MX2: variants seen among roughly 807,000 people sequenced by gnomAD.
MX2 encodes MX dynamin like GTPase 2, also known as interferon-induced GTP-binding protein Mx2.
MX2 carries 51 observed loss-of-function variants against 74.0 expected under a neutral mutation model. That is an observed-to-expected ratio of 0.69 (90% CI 0.55 to 0.87). The LOEUF is 0.87. Among genes scored for constraint, MX2 ranks in the 40% least tolerant of loss-of-function variants. The pLI is 0.00. For missense variants in MX2, 832 were observed against 908.7 expected, an observed-to-expected ratio of 0.92 and a Z score of 1.09; for synonymous variants, 369 against 339.3, an observed-to-expected ratio of 1.09 and a Z score of -0.96.
In MX2 at chr21:41,408,439, C is replaced by T. The variant is rs1348951173; in HGVS notation, c.*206C>T. On this transcript the variant is annotated 3_prime_UTR_variant, in exon 14 of 14. Coordinates refer to ENST00000330714, the MANE Select transcript of MX2 (RefSeq NM_002463.2). ...CCACCCAGCTCTTCCCTGACCTTCA[C>T]GAAGGGATGGCTCTCCAGTCCTTGG... 4.7e-6 allele frequency: 3 copies of T among 644,354 alleles called. No individual in the cohort carries two copies. The highest frequency in any genetic ancestry group is 1.8e-5 in the African/African-American group (1 of 54,776). 39.9% of individuals were successfully genotyped at this position (644,354 alleles called of 1,614,324 possible).
chr21:41,372,989 A>G (rs998073809), intron 1 of MX2: 9 of 151,856 alleles, frequency 5.9e-5, no homozygotes, highest in Admixed American at 4.6e-4. Context: ...TACAGCTGTG[A>G]AAAAAAACAG....
In MX2 at chr21:41,399,034, AG is replaced by A. The variant is rs2089774460; in HGVS notation, c.1272+17del. Reference sequence around the variant, plus strand: ...TTCTAATTGAGGTGAGGATTTCCGCAGGACTCCACGTGACACTGCATCCTTC... The same window carrying A: ...TTCTAATTGAGGTGAGGATTTCCGCAGACTCCACGTGACACTGCATCCTTC... On this transcript the variant is annotated intron_variant, in intron 9 of 13. Transcript: ENST00000330714. 5 of 1,610,792 alleles carry A rather than the reference AG, an allele frequency of 3.1e-6. No homozygotes were observed. In the Admixed American group the frequency reaches 5.0e-5, roughly 16 times the overall value.
rs756583997 is a variant in MX2, at chr21:41,380,176, C to T, written c.577+25C>T. ...GGTGGGCCCACGTCATTCTGAGGTT[C>T]GGATCTGGCAGCCGCTCCTCTCACT... On this transcript the variant is annotated intron_variant, in intron 4 of 13. Transcript: ENST00000330714. The surrounding 1 kb of genome is among the most constrained non-coding windows in gnomAD (Gnocchi z 4.3). 1.4e-5 allele frequency: 23 copies of T among 1,612,906 alleles called. No individual in the cohort carries two copies. The highest frequency in any genetic ancestry group is 2.7e-5 in the African/African-American group (2 of 74,862).
rs1205252356 is a variant in MX2, at chr21:41,393,589, C to A, written c.872-1998C>A. Among the ~76,000 whole-genome samples the A allele has an allele frequency of 4.6e-5, 7 of 152,232 alleles. No individual in the cohort carries two copies. In the East Asian group the frequency reaches 1.4e-3, roughly 29 times the overall value. On this transcript the variant is annotated intron_variant, in intron 6 of 13. Transcript: ENST00000330714. ...GAAGTCACATTCTTAGACTCCTTGT[C>A]TCCATGCCTCTTCAATTCTCAGGCC...
chr21:41,387,392 G>C (rs1374980439), intron 5 of MX2, among the ~76,000 whole-genome samples: 2 of 152,190 alleles, frequency 1.3e-5, no homozygotes, highest in Admixed American at 1.3e-4. Flanking sequence ...TGTATTCACG[G>C]CCTCATTGTA....
Position 41,388,075 on chromosome 21 carries a change from C to T in MX2, c.733-2490C>T, listed in dbSNP as rs184044762. Among the ~76,000 whole-genome samples the T allele has an allele frequency of 7.2e-5, 11 of 152,162 alleles. No homozygotes were observed. The highest frequency in any genetic ancestry group is 1.9e-4 in the East Asian group (1 of 5,186). ...TGCTGCTATCCTGAACCTGGGTTAC[C>T]GCCTCTGCTGGCCTCCTGCTGGGTT... is the stretch of plus-strand genomic sequence containing the variant. On this transcript the variant is annotated intron_variant, in intron 5 of 13. Transcript: ENST00000330714. The surrounding 1 kb of genome is among the most constrained non-coding windows in gnomAD (Gnocchi z 4.0).
At chr21:41,392,537 T>C (rs1280921697) in intron 6 of MX2, among the ~76,000 whole-genome samples, 1 of 152,160 alleles carries the variant, frequency 6.6e-6, no homozygotes, top group African/African-American at 2.4e-5. Context: ...TGTTGTTCAA[T>C]GGGTGAAGAG....
Position 41,380,218 on chromosome 21 carries a change from C to T in MX2, c.577+67C>T, listed in dbSNP as rs760668066. 11 of 1,600,504 alleles carry T rather than the reference C, an allele frequency of 6.9e-6. No individual in the cohort carries two copies. The highest frequency in any genetic ancestry group is 1.1e-5 in the South Asian group (1 of 89,040). On this transcript the variant is annotated intron_variant, in intron 4 of 13. Transcript: ENST00000330714. The surrounding 1 kb of genome is among the most constrained non-coding windows in gnomAD (Gnocchi z 4.3). Reference sequence around the variant, plus strand: ...CCTCTCACTTCCTCGGTTCCTTCTCCTCTTCCTCAAGTCACCCCCACAGTG... The same window carrying T: ...CCTCTCACTTCCTCGGTTCCTTCTCTTCTTCCTCAAGTCACCCCCACAGTG...
rs1005339775 is a variant in MX2 at position 41,388,584 on chromosome 21, G to A, written c.733-1981G>A. On this transcript the variant is annotated intron_variant, in intron 5 of 13. Transcript: ENST00000330714. This position sits in a 1 kb window ranked among gnomAD's most constrained non-coding sequence, Gnocchi z 4.0. ...TATTGCCTGTCTCCCCTCCTGGGCT[G>A]TAAGGCTCTGGGGGCGTATGCTCAA... is the stretch of plus-strand genomic sequence containing the variant. Among the ~76,000 whole-genome samples, 1 of 152,184 alleles carries A rather than the reference G, an allele frequency of 6.6e-6. No homozygotes were observed. Among genetic ancestry groups the A allele is most frequent in the Non-Finnish European group, 1.5e-5 (1 of 68,022 alleles).
At chr21:41,373,504 C>G (rs1387053810) in intron 1 of MX2, among the ~76,000 whole-genome samples, 1 of 152,112 alleles carries the variant, frequency 6.6e-6, no homozygotes, top group Non-Finnish European at 1.5e-5. Flanking sequence ...GTCTCCAGCC[C>G]GAGGCCCTTT....
intron 7 of MX2, 97 bp from the exon 8 acceptor site, chr21:41,397,516 C>A: frequency 9.4e-7 from 1 of 1,066,160 alleles, no homozygotes; most frequent in Non-Finnish European, 1.4e-6. Context: ...CACGTGTTGC[C>A]CCGGGGAGCT....
intron 1 of MX2, chr21:41,364,822 T>G (rs1056674461): frequency 6.6e-6 from 1 of 152,178 alleles, no homozygotes; most frequent in Non-Finnish European, 1.5e-5. Flanking sequence ...AGCTGTAGGC[T>G]GGGAGGCTAA....
intron 5 of MX2, among the ~76,000 whole-genome samples, chr21:41,386,152 G>A (rs543661983): frequency 1.5e-4 from 22 of 147,696 alleles, no homozygotes; most frequent in South Asian, 4.3e-4. Flanking sequence ...CCCGGGAGGC[G>A]GAGCTTGCAG....
chr21:41,382,377 G>T, intron 4 of MX2, 33 bp from the exon 5 acceptor site: 1 of 1,604,902 alleles, frequency 6.2e-7, no homozygotes, highest in Non-Finnish European at 8.5e-7. Flanking sequence ...CATTAATGAG[G>T]GCTCTGGGTT....
At chr21:41,379,692 C>G (rs1242323568) in intron 3 of MX2, among the ~76,000 whole-genome samples, 1 of 152,210 alleles carries the variant, frequency 6.6e-6, no homozygotes, top group African/African-American at 2.4e-5. Flanking sequence ...GGAGCCCCAG[C>G]ATCTGCCTCC....
At chr21:41,390,969 G>T (rs1192108643) in intron 6 of MX2, among the ~76,000 whole-genome samples, 1 of 150,898 alleles carries the variant, frequency 6.6e-6, no homozygotes, top group Admixed American at 6.6e-5. Context: ...TCATGCCACT[G>T]CACTCCAGCT....
chr21:41,387,195 C>T (rs1421617014), intron 5 of MX2, among the ~76,000 whole-genome samples: 1 of 152,172 alleles, frequency 6.6e-6, no homozygotes, highest in African/African-American at 2.4e-5. Flanking sequence ...ACCCTGTGTT[C>T]CTCCCCTCCC....
chr21:41,383,354 T>A (rs1601408567), intron 5 of MX2, among the ~76,000 whole-genome samples: 1 of 152,162 alleles, frequency 6.6e-6, no homozygotes, highest in Admixed American at 6.5e-5. Flanking sequence ...AGAGAGACTC[T>A]GTCTCAAAAA....
At chr21:41,390,208 TTC>T in intron 5 of MX2, 1 of 236,128 alleles carries the variant, frequency 4.2e-6, no homozygotes, top group Non-Finnish European at 8.8e-6. Context: ...ATCTCTGGAC[TTC>T]TGAGTCAGAT....
Sources: gnomAD v4.1 joint callset for allele counts (sites outside exome capture counted in the v4.1 genomes callset) on GRCh38, gnomAD v4.1.1 for gene constraint, Gnocchi (gnomAD v3.1) non-coding constraint, MANE v1.5 for transcripts, NCBI Gene and HGNC (gene_info 2026-07-23, HGNC 2026-07-21) for gene names.